Variants in MDGA2 observed in about 807,000 individuals in gnomAD.
The protein encoded by MDGA2 is MAM domain-containing glycosylphosphatidylinositol anchor protein 2.
Under a neutral mutation model 117.8 loss-of-function variants are expected in MDGA2, and 40 were observed. That is an observed-to-expected ratio of 0.34 (90% CI 0.26 to 0.44). MDGA2 has a LOEUF of 0.44. MDGA2 is among the 20% of genes least tolerant of loss of function. The pLI, the probability that MDGA2 is intolerant of heterozygous loss-of-function variation, is 1.00. For missense variants in MDGA2, 1,123 were observed against 1,250.6 expected, an observed-to-expected ratio of 0.90 and a Z score of 1.54; for synonymous variants, 452 against 439.0, an observed-to-expected ratio of 1.03 and a Z score of -0.37.
intron 8 of MDGA2, among the ~76,000 whole-genome samples, chr14:47,008,769 T>C (rs925359675): frequency 6.6e-6 from 1 of 151,968 alleles, no homozygotes; most frequent in Non-Finnish European, 1.5e-5. Flanking sequence ...GCTTTATACA[T>C]ATAATTAACA....
At chr14:47,473,747 A>T (rs1170288092) in intron 1 of MDGA2, among the ~76,000 whole-genome samples, 1 of 152,206 alleles carries the variant, frequency 6.6e-6, no homozygotes, top group East Asian at 1.9e-4. Flanking sequence ...ATAGACACAG[A>T]AAAGGCCTTC....
chr14:46,869,128 C>T (rs1881894635), intron 14 of MDGA2, among the ~76,000 whole-genome samples: 2 of 152,012 alleles, frequency 1.3e-5, no homozygotes, highest in East Asian at 1.9e-4. Flanking sequence ...CATTAATGAA[C>T]TCCTTTGCTT....
At chr14:47,236,384 A>G (rs1394349521) in intron 2 of MDGA2, among the ~76,000 whole-genome samples, 1 of 152,108 alleles carries the variant, frequency 6.6e-6, no homozygotes. Flanking sequence ...GATACACTTA[A>G]GCCTAGTAGG....
chr14:47,287,469 T>G (rs960604957), intron 2 of MDGA2, among the ~76,000 whole-genome samples: 1 of 152,190 alleles, frequency 6.6e-6, no homozygotes, highest in Non-Finnish European at 1.5e-5. Flanking sequence ...TGTGATGTTT[T>G]GATATATGTA....
chr14:46,882,566 AAT>A (rs1358798469), intron 10 of MDGA2, among the ~76,000 whole-genome samples: 1 of 151,362 alleles, frequency 6.6e-6, no homozygotes, highest in Non-Finnish European at 1.5e-5. Flanking sequence ...GAGATTCTTG[AAT>A]ACTTACAACT....
At chr14:47,143,814 T>A (rs547938913) in intron 4 of MDGA2, among the ~76,000 whole-genome samples, 79 of 152,236 alleles carry the variant, frequency 5.2e-4, no homozygotes, top group Admixed American at 9.2e-4. Flanking sequence ...TAGTGAAACA[T>A]AGGAAAACTT....
chr14:47,640,241 A>G (rs570866507), intron 1 of MDGA2, among the ~76,000 whole-genome samples: 1 of 152,234 alleles, frequency 6.6e-6, no homozygotes, highest in African/African-American at 2.4e-5. Context: ...TTTGAGAATC[A>G]TTTCTGCTCC....
chr14:47,160,393 A>G (rs553205123), intron 3 of MDGA2, among the ~76,000 whole-genome samples: 16 of 152,276 alleles, frequency 1.1e-4, no homozygotes, highest in African/African-American at 3.9e-4. Flanking sequence ...ACAAACAAAC[A>G]AACAACAACA....
chr14:46,984,108 C>T (rs1886781546), intron 8 of MDGA2, among the ~76,000 whole-genome samples: 1 of 151,934 alleles, frequency 6.6e-6, no homozygotes, highest in South Asian at 2.1e-4. Context: ...TTCCAACCCC[C>T]AGGGCATATG....
chr14:46,964,000 C>G (rs1028093309), intron 8 of MDGA2, among the ~76,000 whole-genome samples: 1 of 152,178 alleles, frequency 6.6e-6, no homozygotes, highest in African/African-American at 2.4e-5. Flanking sequence ...ATTATTTTCA[C>G]TATTAGAACA....
chr14:46,863,496 A>G (rs1881597129), intron 14 of MDGA2, among the ~76,000 whole-genome samples: 1 of 152,212 alleles, frequency 6.6e-6, no homozygotes, highest in Admixed American at 6.6e-5. Context: ...GGTAAAAAAT[A>G]CCCATTGTAA....
intron 4 of MDGA2, among the ~76,000 whole-genome samples, chr14:47,139,386 G>C (rs1287051096): frequency 6.6e-6 from 1 of 151,990 alleles, no homozygotes; most frequent in Non-Finnish European, 1.5e-5. Flanking sequence ...GTGTTGTGTA[G>C]CTCTATTTAG....
chr14:47,189,257 C>T (rs1379036347), intron 3 of MDGA2, among the ~76,000 whole-genome samples: 4 of 152,060 alleles, frequency 2.6e-5, no homozygotes, highest in Non-Finnish European at 4.4e-5. Flanking sequence ...CAGCCACAAA[C>T]ACACGCTAAA....
At chr14:47,225,675 GT>G in intron 2 of MDGA2, among the ~76,000 whole-genome samples, 1 of 151,148 alleles carries the variant, frequency 6.6e-6, no homozygotes, top group Non-Finnish European at 1.5e-5. Flanking sequence ...GGTGGGGGGA[GT>G]GGGGAGGGAT....
intron 2 of MDGA2, among the ~76,000 whole-genome samples, chr14:47,280,582 T>C (rs1888454655): frequency 6.6e-6 from 1 of 152,060 alleles, no homozygotes; most frequent in Admixed American, 6.6e-5. Flanking sequence ...TGTGGAGATT[T>C]GTGGAGAGCT....
At chr14:47,588,453 G>C (rs1054653299) in intron 1 of MDGA2, among the ~76,000 whole-genome samples, 8 of 151,608 alleles carry the variant, frequency 5.3e-5, no homozygotes, top group African/African-American at 1.9e-4. Context: ...AGTCATCCTA[G>C]TGCATGAATT....
At chr14:46,934,351 A>T (rs1595054323) in intron 9 of MDGA2, among the ~76,000 whole-genome samples, 1 of 152,128 alleles carries the variant, frequency 6.6e-6, no homozygotes, top group African/African-American at 2.4e-5. Context: ...TTGATAAATG[A>T]AAATGGTATC....
At chr14:47,225,673 G>A (rs1013232286) in intron 2 of MDGA2, among the ~76,000 whole-genome samples, 3 of 151,176 alleles carry the variant, frequency 2.0e-5, no homozygotes, top group Non-Finnish European at 2.9e-5. Flanking sequence ...GGGGTGGGGG[G>A]AGTGGGGAGG....
chr14:47,042,557 T>C (rs1387779805), intron 7 of MDGA2, among the ~76,000 whole-genome samples: 3 of 152,150 alleles, frequency 2.0e-5, no homozygotes, highest in Non-Finnish European at 2.9e-5. Context: ...TCTTCTTTGC[T>C]AGCACATTTA....
Sources: gnomAD v4.1 joint callset for allele counts (sites outside exome capture counted in the v4.1 genomes callset) on GRCh38, gnomAD v4.1.1 for gene constraint, MANE v1.5 for transcripts, NCBI Gene and HGNC (gene_info 2026-07-23, HGNC 2026-07-21) for gene names.